The following JADE3 variants were observed in gnomAD, a reference collection of about 807,000 sequenced individuals.
The protein encoded by JADE3 is protein Jade-3.
In JADE3, 2 loss-of-function variants were observed where a neutral mutation model predicts 50.1. The observed-to-expected ratio is 0.04, with a 90% CI of 0.02 to 0.13. JADE3 has a LOEUF of 0.13. JADE3 is among the 10% of genes least tolerant of loss of function. The pLI is 1.00. For missense variants in JADE3, 475 were observed against 634.4 expected, an observed-to-expected ratio of 0.75 and a Z score of 2.70; for synonymous variants, 218 against 232.9, an observed-to-expected ratio of 0.94 and a Z score of 0.58.
intron 4 of JADE3, among the ~76,000 whole-genome samples, chrX:47,005,512 A>G (rs1433187144): frequency 8.9e-6 from 1 of 112,122 alleles, no homozygotes; most frequent in African/African-American, 3.2e-5. Flanking sequence ...AAGGGCTGGG[A>G]TTACAGGTGT....
chrX:46,973,507 T>C (rs1602390952), intron 1 of JADE3, among the ~76,000 whole-genome samples: 1 of 112,779 alleles, frequency 8.9e-6, no homozygotes, highest in African/African-American at 3.2e-5. Flanking sequence ...TCTCTTCTTA[T>C]TTTTTGTTTA....
chrX:47,018,525 G>A (rs1006378617), intron 4 of JADE3, among the ~76,000 whole-genome samples: 2 of 110,446 alleles, frequency 1.8e-5, no homozygotes, highest in Non-Finnish European at 3.8e-5. Context: ...TAGTAGAGAC[G>A]GGGTTTCACT....
intron 1 of JADE3, among the ~76,000 whole-genome samples, chrX:46,949,096 G>A (rs1556344197): frequency 9.1e-6 from 1 of 110,245 alleles, no homozygotes; most frequent in East Asian, 2.8e-4. Flanking sequence ...ACCATGCCCG[G>A]CTAATTTTTG....
At chrX:46,987,876 C>T (rs1471386417) in intron 3 of JADE3, among the ~76,000 whole-genome samples, 5 of 111,823 alleles carry the variant, frequency 4.5e-5, no homozygotes, top group African/African-American at 1.6e-4. Flanking sequence ...AAATTGTTTT[C>T]GTTTATATTT....
Position 47,059,049 on chromosome X carries a change from C to G in JADE3, c.2444C>G (p.Pro815Arg). ...TGCCATGGTAAAAGCAAGACACATCCCCTTTCCCACAGTTCAATGCAAAGG... is the reference window on the plus strand; with the variant it reads ...TGCCATGGTAAAAGCAAGACACATCGCCTTTCCCACAGTTCAATGCAAAGG... ...RDCHGKSKTH[P>R]LSHSSMQR Residue 815 changes from proline (P) to arginine (R), a missense_variant, in exon 11 of 11, where the codon CCC becomes CGC. By Grantham distance (103) the Pro-to-Arg change is moderately radical (BLOSUM62 -2). Transcript: ENST00000614628. 1 of 1,199,291 alleles carries G rather than the reference C, an allele frequency of 8.3e-7. No homozygotes were observed. The highest frequency in any genetic ancestry group is 1.1e-6 in the Non-Finnish European group (1 of 891,619).
intron 8 of JADE3, among the ~76,000 whole-genome samples, chrX:47,051,304 A>G (rs1339446333): frequency 1.8e-5 from 2 of 112,625 alleles, no homozygotes; most frequent in African/African-American, 6.4e-5. Context: ...GACAGTTGCC[A>G]GTATCCTCTT....
intron 3 of JADE3, among the ~76,000 whole-genome samples, chrX:46,994,846 G>T (rs1206818628): frequency 9.0e-6 from 1 of 111,444 alleles, no homozygotes; most frequent in Non-Finnish European, 1.9e-5. Flanking sequence ...GCTCCATACT[G>T]TGCTAAGTCC....
intron 1 of JADE3, among the ~76,000 whole-genome samples, chrX:46,960,517 G>T (rs782480194): frequency 8.9e-6 from 1 of 112,146 alleles, no homozygotes; most frequent in African/African-American, 3.2e-5. Context: ...AGAGTCTCTA[G>T]TGGGCTTCCC....
In JADE3 at chrX:47,054,361, A is replaced by G. The variant is rs1443274229; in HGVS notation, c.1176A>G (p.Lys392=). The part of the protein sequence containing the change: ...AKEQSQAKSE[K]TSLRAQKLRE... The stretch of plus-strand genomic sequence containing the variant: ...AGCAGAGCCAGGCCAAAAGTGAGAA[A>G]ACCAGCCTGCGGGCACAGAAGCTTC... Residue 392 remains lysine, a synonymous_variant, in exon 9 of 11, where the codon AAA becomes AAG. Coordinates refer to ENST00000614628, the MANE Select transcript of JADE3 (RefSeq NM_014735.5). 3 of 1,209,348 alleles carry G rather than the reference A, an allele frequency of 2.5e-6. No homozygotes were observed. The highest frequency in any genetic ancestry group is 3.4e-6 in the Non-Finnish European group (3 of 895,019).
At chrX:46,983,442 G>A (rs1229162219) in intron 1 of JADE3, among the ~76,000 whole-genome samples, 1 of 111,175 alleles carries the variant, frequency 9.0e-6, no homozygotes, top group East Asian at 2.8e-4. Flanking sequence ...CCAAGGCATA[G>A]CCTCCATCCC....
chrX:46,931,013 G>A (rs1199576570), intron 1 of JADE3, among the ~76,000 whole-genome samples: 1 of 111,744 alleles, frequency 8.9e-6, no homozygotes, highest in Non-Finnish European at 1.9e-5. Flanking sequence ...GCCCAGATAA[G>A]AAATAATAAT....
chrX:47,048,902 G>A (rs933920142), intron 8 of JADE3, among the ~76,000 whole-genome samples: 9 of 111,978 alleles, frequency 8.0e-5, no homozygotes, highest in African/African-American at 2.6e-4. Context: ...TGTAATGCAC[G>A]TAGTAAAGTG....
In JADE3 at chrX:47,058,206, A is replaced by G; in HGVS notation, c.1601A>G (p.Tyr534Cys). ...LTNALENSLF[Y>C]PPPRITLKLK... Reference sequence around the variant, plus strand: ...AATGCACTTGAAAACTCACTGTTTTACCCACCACCAAGAATTACCTTGAAG... The same window carrying G: ...AATGCACTTGAAAACTCACTGTTTTGCCCACCACCAAGAATTACCTTGAAG... Residue 534 changes from tyrosine (Y) to cysteine (C), a missense_variant, in exon 11 of 11, where the codon TAC (tyrosine) becomes TGC (cysteine). Transcript: ENST00000614628. 1 of 1,210,559 alleles carries G rather than the reference A, an allele frequency of 8.3e-7. No homozygotes were observed. Among genetic ancestry groups the G allele is most frequent in the Non-Finnish European group, 1.1e-6 (1 of 894,712 alleles).
chrX:46,989,133 C>T (rs1927926054), intron 3 of JADE3, among the ~76,000 whole-genome samples: 2 of 111,823 alleles, frequency 1.8e-5, no homozygotes, highest in Non-Finnish European at 3.8e-5. Flanking sequence ...CCACTGCGCC[C>T]TGCCGCCATT....
intron 6 of JADE3, among the ~76,000 whole-genome samples, chrX:47,032,143 G>T (rs781845732): frequency 1.8e-4 from 20 of 111,545 alleles, no homozygotes; most frequent in Non-Finnish European, 3.0e-4. Context: ...AAACCAGGAG[G>T]CCTGCCTGTC....
intron 8 of JADE3, among the ~76,000 whole-genome samples, chrX:47,039,740 T>C: frequency 8.9e-6 from 1 of 112,259 alleles, no homozygotes; most frequent in East Asian, 2.8e-4. Context: ...ACATGATTTC[T>C]TTTTTTGTTT....
Position 46,912,698 on chromosome X carries a change from G to C in JADE3, c.-33G>C, listed in dbSNP as rs1556335389. The C allele has an allele frequency of 8.9e-6, 1 of 111,903 alleles. No individual in the cohort carries two copies. The allele number at this position is 111,903 out of a possible 1,213,427, so 9.2% of individuals were successfully genotyped here. A position where few individuals can be genotyped will look rare whatever the true frequency, so the allele number is the denominator to read the frequency against. On this transcript the variant is annotated 5_prime_UTR_variant, in exon 1 of 11. Transcript: ENST00000614628. ...GGCCGCGGCGTGGAGCCGGGCAGGA[G>C]CCGCGAGCCAGCTGCGCGAAGGTAG...
intron 5 of JADE3, among the ~76,000 whole-genome samples, chrX:47,025,137 T>C (rs1396399076): frequency 2.7e-5 from 3 of 112,045 alleles, no homozygotes; most frequent in Admixed American, 9.5e-5. Flanking sequence ...TCCTCATTCA[T>C]AGTTAATGGC....
At chrX:46,960,686 C>A (rs1322263457) in intron 1 of JADE3, among the ~76,000 whole-genome samples, 1 of 112,204 alleles carries the variant, frequency 8.9e-6, no homozygotes, top group Admixed American at 9.4e-5. Flanking sequence ...TGTATCCTTA[C>A]AGTGTAATAA....
Sources: allele counts gnomAD v4.1 joint callset (sites outside exome capture counted in the v4.1 genomes callset), GRCh38; gene constraint gnomAD v4.1.1; transcripts MANE v1.5; gene names NCBI Gene and HGNC (gene_info 2026-07-23, HGNC 2026-07-21).